Variants in ZNF185 observed in about 807,000 individuals in gnomAD.
ZNF185 encodes the protein zinc finger protein 185.
In ZNF185, 56 loss-of-function variants were observed where a neutral mutation model predicts 58.6. That is an observed-to-expected ratio of 0.95 (90% CI 0.77 to 1.19). The LOEUF is 1.19. Among genes scored for constraint, ZNF185 ranks in the 50% most tolerant of loss-of-function variants. The pLI is 0.00. For missense variants in ZNF185, 627 were observed against 573.5 expected (o/e 1.09, Z -0.95); for synonymous variants, 230 against 215.9 (o/e 1.07, Z -0.57).
rs150904333 is a variant in ZNF185, at chrX:152,921,717, T to G, written c.657-456T>G. Among the ~76,000 whole-genome samples, 476 of 111,174 alleles carry G rather than the reference T, an allele frequency of 4.3e-3. 1 individual carries two copies. The highest frequency in any genetic ancestry group is 7.1e-3 in the Non-Finnish European group (376 of 52,961). On this transcript the variant is annotated intron_variant, in intron 9 of 22. Coordinates refer to ENST00000449285, the Ensembl canonical transcript of ZNF185. ...TGAGGGAGAAACCATCCCAGGCCACTCTCCTGGCTTCTGCTGGTGGTTGGT... is the reference window on the plus strand; with the variant it reads ...TGAGGGAGAAACCATCCCAGGCCACGCTCCTGGCTTCTGCTGGTGGTTGGT...
At chrX:152,909,397 C>A in the ZNF185 span, among the ~76,000 whole-genome samples, 2 of 112,439 alleles carry the variant, frequency 1.8e-5, no homozygotes, top group African/African-American at 6.5e-5. Flanking sequence ...AGGGAGTTGT[C>A]CTTGCCCCCT....
At position 152,926,720 on chromosome X, in the gene ZNF185, C is replaced by T. The variant is rs148321134; in HGVS notation, c.831-1855C>T. Among the ~76,000 whole-genome samples, 344 of 111,860 alleles carry T rather than the reference C, an allele frequency of 3.1e-3. 3 individuals are homozygous for T. Among genetic ancestry groups the T allele is most frequent in the African/African-American group, 0.01 (310 of 30,814 alleles). ...AGAGTCTGGGGAGATGGTGGGGTAGCGGGTTGTGGGGGAGGAGAGACCCTT... is the reference window on the plus strand; with the variant it reads ...AGAGTCTGGGGAGATGGTGGGGTAGTGGGTTGTGGGGGAGGAGAGACCCTT... On this transcript the variant is annotated intron_variant, in intron 11 of 22. Transcript: ENST00000449285.
At chrX:152,931,818 G>C in intron 13 of ZNF185, 42 bp downstream of exon 14, 1 of 1,104,628 alleles carries the variant, frequency 9.1e-7, no homozygotes, top group Non-Finnish European at 1.2e-6. Flanking sequence ...CCCAGAACAC[G>C]GAGCCCACAT....
At chrX:152,963,101 T>C (rs2049710228) in intron 17 of ZNF185, among the ~76,000 whole-genome samples, 1 of 113,078 alleles carries the variant, frequency 8.8e-6, no homozygotes, top group South Asian at 3.6e-4. Flanking sequence ...TGCAAACAAG[T>C]GGTCAGTGGT....
At chrX:152,948,548 G>A in intron 16 of ZNF185, among the ~76,000 whole-genome samples, 1 of 112,091 alleles carries the variant, frequency 8.9e-6, no homozygotes, top group Non-Finnish European at 1.9e-5. Context: ...GGGGAACTGA[G>A]TGAATCCTGT....
At chrX:152,914,321 A>G (rs782466383), upstream of ZNF185, 1 of 464,395 alleles carries the variant, frequency 2.2e-6, no homozygotes, top group South Asian at 3.6e-5. Flanking sequence ...CACTCCACCA[A>G]CGCTTGCCAC....
At chrX:152,912,557 C>T (rs1288561323), upstream of ZNF185, among the ~76,000 whole-genome samples, 2 of 111,747 alleles carry the variant, frequency 1.8e-5, no homozygotes, top group Non-Finnish European at 3.8e-5. Flanking sequence ...TGACCGTCAC[C>T]TGCTTGCCAC....
intron 13 of ZNF185, among the ~76,000 whole-genome samples, chrX:152,932,440 G>A (rs1254503801): frequency 4.5e-5 from 5 of 112,147 alleles, no homozygotes; most frequent in African/African-American, 1.6e-4. Flanking sequence ...CTGCAGGCTG[G>A]GCATTTCTTC....
chrX:152,971,467 C>A (rs782356202), exon 23 of ZNF185: 2 of 112,097 alleles, frequency 1.8e-5, no homozygotes, highest in East Asian at 5.6e-4. Context: ...ATGATAATTG[C>A]TTGTGTGTGT....
At chrX:152,936,576 G>C in intron 14 of ZNF185, 63 bp downstream of exon 16, 1 of 1,007,129 alleles carries the variant, frequency 9.9e-7, no homozygotes, top group East Asian at 3.4e-5. Context: ...TTGGGGCCCA[G>C]CCTCAGCTGC....
At chrX:152,914,046 C>A (rs1370736374), upstream of ZNF185, among the ~76,000 whole-genome samples, 1 of 110,829 alleles carries the variant, frequency 9.0e-6, no homozygotes, top group Non-Finnish European at 1.9e-5. Context: ...TGAAGCTGTT[C>A]GGCTTTGGAT....
chrX:152,898,211 C>G, the ZNF185 span, among the ~76,000 whole-genome samples: 6,869 of 110,924 alleles, frequency 0.062, 457 homozygotes, highest in African/African-American at 0.19. Flanking sequence ...ACCCTCCACC[C>G]GCCCCACGAG....
At chrX:152,969,538 C>G in intron 21 of ZNF185, 54 bp downstream of exon 23, 1 of 974,259 alleles carries the variant, frequency 1.0e-6, no homozygotes. Flanking sequence ...TGATCACGTG[C>G]TGCTAAGAAC....
At chrX:152,958,582 C>T (rs2049094748) in intron 16 of ZNF185, among the ~76,000 whole-genome samples, 1 of 110,261 alleles carries the variant, frequency 9.1e-6, no homozygotes, top group African/African-American at 3.3e-5. Flanking sequence ...AAGGTGAAGC[C>T]CCGTCTCTAC....
At chrX:152,937,576 G>A (rs782451324) in intron 14 of ZNF185, among the ~76,000 whole-genome samples, 1 of 111,940 alleles carries the variant, frequency 8.9e-6, no homozygotes, top group East Asian at 2.8e-4. Context: ...ATGTTGAGCT[G>A]AGCCAAGCCC....
At chrX:152,958,735 A>C (rs2049120815) in intron 16 of ZNF185, among the ~76,000 whole-genome samples, 1 of 108,845 alleles carries the variant, frequency 9.2e-6, no homozygotes, top group African/African-American at 3.5e-5. Context: ...CCGTCTCAAA[A>C]AAAAAAAAAG....
At chrX:152,937,140 G>C (rs1353166617) in intron 14 of ZNF185, among the ~76,000 whole-genome samples, 1 of 110,936 alleles carries the variant, frequency 9.0e-6, no homozygotes, top group Non-Finnish European at 1.9e-5. Flanking sequence ...AGAGGTGTAG[G>C]TCAGGTAAGG....
chrX:152,954,404 A>G (rs1181695226), intron 16 of ZNF185, among the ~76,000 whole-genome samples: 1 of 112,075 alleles, frequency 8.9e-6, no homozygotes, highest in African/African-American at 3.2e-5. Flanking sequence ...AAGGCAAAGG[A>G]GAGGGTAAAA....
Position 152,914,853 on chromosome X carries a change from A to G in ZNF185, c.158+20A>G, listed in dbSNP as rs1556864422. On this transcript the variant is annotated intron_variant, in intron 2 of 22. Transcript: ENST00000449285. Reference sequence around the variant, plus strand: ...CACCATGTAAGGCAAGGAGGCGGGGAGGGACCGCAGCAACGTGGGGGCGCG... The same window carrying G: ...CACCATGTAAGGCAAGGAGGCGGGGGGGGACCGCAGCAACGTGGGGGCGCG... The G allele has an allele frequency of 8.5e-7, 1 of 1,174,125 alleles. No individual in the cohort carries two copies. Among genetic ancestry groups the G allele is most frequent in the Non-Finnish European group, 1.1e-6 (1 of 876,580 alleles).
Sources: gnomAD v4.1 joint callset for allele counts (sites outside exome capture counted in the v4.1 genomes callset) on GRCh38, gnomAD v4.1.1 for gene constraint, MANE v1.5 for transcripts, NCBI Gene and HGNC (gene_info 2026-07-23, HGNC 2026-07-21) for gene names.